Variants in MSI2 observed in about 807,000 individuals in gnomAD.
The protein encoded by MSI2 is RNA-binding protein Musashi homolog 2.
Under a neutral mutation model 45.6 loss-of-function variants are expected in MSI2, and 17 were observed. The observed-to-expected ratio is 0.37, with a 90% CI of 0.26 to 0.56. The LOEUF (loss-of-function observed/expected upper bound fraction) is 0.56, where lower values mean the gene tolerates loss of function less well. MSI2 is among the 20% of genes least tolerant of loss of function. The pLI, the probability that MSI2 is intolerant of heterozygous loss-of-function variation, is 0.77. For synonymous variants in MSI2, 156 were observed against 158.2 expected, an observed-to-expected ratio of 0.99 and a Z score of 0.11; for missense variants, 293 against 444.2, an observed-to-expected ratio of 0.66 and a Z score of 3.06.
intron 5 of MSI2, among the ~76,000 whole-genome samples, chr17:57,353,624 A>C (rs1916204279): frequency 6.6e-6 from 1 of 152,204 alleles, no homozygotes; most frequent in Non-Finnish European, 1.5e-5. Context: ...GCATTTGCTG[A>C]GTCAAAGTAT....
chr17:57,682,335 C>A lies in MSI2; in HGVS notation c.*2818C>A, dbSNP rs1011770308. 4 of 164,336 alleles carry A rather than the reference C, an allele frequency of 2.4e-5. No individual in the cohort carries two copies. The highest frequency in any genetic ancestry group is 6.8e-5 in the Admixed American group (1 of 14,800). The allele number at this position is 164,336 out of a possible 1,614,324, so 10.2% of individuals were successfully genotyped here. A position where few individuals can be genotyped will look rare whatever the true frequency, so the allele number is the denominator to read the frequency against. ...TTGTAGATCCCCCCCCCCCCACCCA[C>A]TGTGAAGGGGTGCCATACTACCTTA... is the stretch of plus-strand genomic sequence containing the variant. On this transcript the variant is annotated 3_prime_UTR_variant, in exon 14 of 14. Coordinates refer to ENST00000284073, the MANE Select transcript of MSI2 (RefSeq NM_138962.4).
At chr17:57,663,070 G>C (rs1249276542) in intron 11 of MSI2, among the ~76,000 whole-genome samples, 1 of 152,216 alleles carries the variant, frequency 6.6e-6, no homozygotes, top group Non-Finnish European at 1.5e-5. Context: ...TGTGGGCTGC[G>C]AGGACCGCTT....
chr17:57,385,591 C>CA (rs2083671675), intron 5 of MSI2, among the ~76,000 whole-genome samples: 1 of 152,146 alleles, frequency 6.6e-6, no homozygotes, highest in Non-Finnish European at 1.5e-5. Context: ...TTGAAGGTTG[C>CA]AGTGAGCTGA....
intron 7 of MSI2, among the ~76,000 whole-genome samples, chr17:57,573,274 A>C (rs2087926232): frequency 6.6e-6 from 1 of 152,332 alleles, no homozygotes; most frequent in South Asian, 2.1e-4. Flanking sequence ...AATATGTAAT[A>C]ATAGTATTAA....
intron 6 of MSI2, among the ~76,000 whole-genome samples, chr17:57,453,368 CT>C (rs1244502895): frequency 4.6e-5 from 7 of 152,160 alleles, no homozygotes; most frequent in Non-Finnish European, 1.0e-4. Context: ...TTCAGGGCAT[CT>C]TGTGACAGTG....
chr17:57,575,147 T>TCCCCCCCCCCCACCCC (rs371180511), intron 7 of MSI2, among the ~76,000 whole-genome samples: 2 of 119,544 alleles, frequency 1.7e-5, no homozygotes, highest in South Asian at 2.7e-4. Context: ...CTTTTTTAAC[T>TCCCCCCCCCCCACCCC]CCCTCCCCCC....
rs897214151 is a variant in MSI2, at chr17:57,596,702, A to G, written c.455-166A>G. Among the ~76,000 whole-genome samples the G allele has an allele frequency of 2.0e-5, 3 of 152,204 alleles. No homozygotes were observed. The highest frequency in any genetic ancestry group is 6.5e-5 in the Admixed American group (1 of 15,282). ...GCTGTCGGAAGGGTGCTCAGTACAA[A>G]TTAGAAATCATTGCCTCCAACCTCA... On this transcript the variant is annotated intron_variant, in intron 7 of 13. Coordinates refer to ENST00000284073, the MANE Select transcript of MSI2 (RefSeq NM_138962.4). This position sits in a 1 kb window ranked among gnomAD's most constrained non-coding sequence, Gnocchi z 4.6.
At chr17:57,385,782 C>A (rs2083675696) in intron 5 of MSI2, among the ~76,000 whole-genome samples, 3 of 152,238 alleles carry the variant, frequency 2.0e-5, no homozygotes, top group Admixed American at 2.0e-4. Flanking sequence ...GGTCTGACTT[C>A]TGTGTTATAG....
intron 6 of MSI2, among the ~76,000 whole-genome samples, chr17:57,435,539 A>C: frequency 6.6e-6 from 1 of 152,216 alleles, no homozygotes; most frequent in East Asian, 1.9e-4. Flanking sequence ...GGAGCACCAA[A>C]GGTGATCTGG....
chr17:57,443,849 C>A (rs75891164), intron 6 of MSI2, among the ~76,000 whole-genome samples: 3 of 152,138 alleles, frequency 2.0e-5, no homozygotes, highest in African/African-American at 4.8e-5. Context: ...CCCAGGGCAA[C>A]GTGCCTGGGA....
At chr17:57,649,529 A>G (rs891011933) in intron 10 of MSI2, among the ~76,000 whole-genome samples, 2 of 152,014 alleles carry the variant, frequency 1.3e-5, no homozygotes, top group African/African-American at 4.8e-5. Context: ...CACCTGACAC[A>G]CATACACTTA....
At chr17:57,517,591 G>C (rs953417481) in intron 6 of MSI2, among the ~76,000 whole-genome samples, 11 of 152,094 alleles carry the variant, frequency 7.2e-5, no homozygotes, top group African/African-American at 2.7e-4. Context: ...GGTGACCTTT[G>C]GGTCACTTCT....
chr17:57,541,526 C>T (rs760140673), intron 7 of MSI2, among the ~76,000 whole-genome samples: 6 of 152,174 alleles, frequency 3.9e-5, no homozygotes, highest in Non-Finnish European at 8.8e-5. Flanking sequence ...GCCAAACAGA[C>T]TTCTTTATTT....
chr17:57,521,117 T>C (rs2086575282), intron 6 of MSI2, among the ~76,000 whole-genome samples: 1 of 152,168 alleles, frequency 6.6e-6, no homozygotes, highest in Admixed American at 6.5e-5. Flanking sequence ...GCAGCTGGGA[T>C]AGAAACTCCA....
chr17:57,634,474 AAGAGAG>A (rs911390488), intron 10 of MSI2, among the ~76,000 whole-genome samples: 1 of 147,220 alleles, frequency 6.8e-6, no homozygotes, highest in East Asian at 2.0e-4. Flanking sequence ...TCAAAAAAAA[AAGAGAG>A]AGAGAGAAGC....
At chr17:57,380,404 CG>C (rs1488361725) in intron 5 of MSI2, among the ~76,000 whole-genome samples, 1 of 152,106 alleles carries the variant, frequency 6.6e-6, no homozygotes, top group Non-Finnish European at 1.5e-5. Context: ...GGTTTCTAAG[CG>C]GCGGCTTCTG....
At chr17:57,538,339 G>A (rs887939176) in intron 7 of MSI2, among the ~76,000 whole-genome samples, 1 of 152,158 alleles carries the variant, frequency 6.6e-6, no homozygotes, top group African/African-American at 2.4e-5. Context: ...TTCAGCCTCT[G>A]TTTTCAGTTT....
At chr17:57,366,471 A>G (rs1238541040) in intron 5 of MSI2, among the ~76,000 whole-genome samples, 3 of 152,248 alleles carry the variant, frequency 2.0e-5, no homozygotes, top group Non-Finnish European at 2.9e-5. Context: ...CCCGTGAAGG[A>G]AAGAAGAAAT....
intron 7 of MSI2, among the ~76,000 whole-genome samples, chr17:57,549,632 C>T (rs1237375257): frequency 6.6e-6 from 1 of 152,192 alleles, no homozygotes; most frequent in Non-Finnish European, 1.5e-5. Context: ...TACATCCCCA[C>T]ATTTAATGTT....
Sources: gnomAD v4.1 joint callset for allele counts (sites outside exome capture counted in the v4.1 genomes callset) on GRCh38, gnomAD v4.1.1 for gene constraint, Gnocchi (gnomAD v3.1) non-coding constraint, MANE v1.5 for transcripts, NCBI Gene and HGNC (gene_info 2026-07-23, HGNC 2026-07-21) for gene names.